The following SPOCK1 variants were observed in gnomAD, a reference collection of about 807,000 sequenced individuals.
SPOCK1 encodes testican-1.
SPOCK1 carries 23 observed loss-of-function variants against 55.3 expected under a neutral mutation model. The ratio of observed to expected loss-of-function variants is 0.42; its 90% confidence interval spans 0.30 to 0.59. The LOEUF is 0.59. SPOCK1 is among the 20% of genes least tolerant of loss of function. The probability of loss-of-function intolerance (pLI) is 0.22; values close to 1 mark genes in which losing one functional copy is unlikely to be tolerated. For missense variants in SPOCK1, 499 were observed against 552.5 expected (o/e 0.90, Z 0.97); for synonymous variants, 226 against 221.0 (o/e 1.02, Z -0.20).
intron 5 of SPOCK1, among the ~76,000 whole-genome samples, chr5:137,086,943 T>C (rs1752971716): frequency 6.6e-6 from 1 of 152,060 alleles, no homozygotes; most frequent in Non-Finnish European, 1.5e-5. Context: ...CTCACAGAAG[T>C]CACAGGATTT....
intron 2 of SPOCK1, among the ~76,000 whole-genome samples, chr5:137,429,968 T>C (rs1204486188): frequency 1.3e-5 from 2 of 152,244 alleles, no homozygotes; most frequent in East Asian, 3.8e-4. Flanking sequence ...TAGGACACCT[T>C]GTGAAGTGTG....
chr5:137,097,259 G>A (rs1753168586), intron 5 of SPOCK1, among the ~76,000 whole-genome samples: 1 of 152,058 alleles, frequency 6.6e-6, no homozygotes, highest in Admixed American at 6.5e-5. Flanking sequence ...ATTAGGGAGG[G>A]GGACTTGCCC....
At chr5:137,402,424 C>T (rs1229724) in intron 2 of SPOCK1, among the ~76,000 whole-genome samples, 88,850 of 152,166 alleles carry the variant, frequency 0.58, 27,491 homozygotes, top group African/African-American at 0.81. Flanking sequence ...AATGTCATTT[C>T]TTATTGACAA....
At chr5:137,150,994 C>T (rs927886565) in intron 3 of SPOCK1, among the ~76,000 whole-genome samples, 32 of 152,172 alleles carry the variant, frequency 2.1e-4, no homozygotes, top group African/African-American at 7.2e-4. Context: ...TCTAGCACAG[C>T]CTGGCCACTT....
chr5:137,135,570 C>CA, intron 4 of SPOCK1, among the ~76,000 whole-genome samples: 1 of 152,216 alleles, frequency 6.6e-6, no homozygotes, highest in Non-Finnish European at 1.5e-5. Context: ...CATCTAAGAC[C>CA]AGAGTGTGAC....
At chr5:137,465,067 G>A (rs1202055097) in intron 2 of SPOCK1, among the ~76,000 whole-genome samples, 1 of 152,142 alleles carries the variant, frequency 6.6e-6, no homozygotes, top group Non-Finnish European at 1.5e-5. Context: ...GGAAGGGAGT[G>A]CCAGATAACA....
At chr5:137,393,662 G>C (rs1168828643) in intron 2 of SPOCK1, among the ~76,000 whole-genome samples, 1 of 152,230 alleles carries the variant, frequency 6.6e-6, no homozygotes, top group East Asian at 1.9e-4. Context: ...ATGTTCATAG[G>C]AGGTGACACA....
intron 3 of SPOCK1, among the ~76,000 whole-genome samples, chr5:137,234,136 G>A (rs534725551): frequency 6.6e-6 from 1 of 152,278 alleles, no homozygotes; most frequent in East Asian, 1.9e-4. Flanking sequence ...GAGCTCACAG[G>A]GATAAAGAGG....
chr5:137,496,320 T>C (rs1919517), intron 2 of SPOCK1, among the ~76,000 whole-genome samples: 58,859 of 152,018 alleles, frequency 0.39, 11,454 homozygotes, highest in East Asian at 0.46. Context: ...CCATCCATAA[T>C]AAAGATGGGA....
chr5:137,218,988 C>T (rs17778861), intron 3 of SPOCK1, among the ~76,000 whole-genome samples: 60,498 of 152,012 alleles, frequency 0.4, 13,157 homozygotes, highest in Non-Finnish European at 0.48. Context: ...CAAGGCACTC[C>T]TTTGTTGTAA....
chr5:137,061,106 T>C (rs1416294970), intron 6 of SPOCK1, among the ~76,000 whole-genome samples: 1 of 152,256 alleles, frequency 6.6e-6, no homozygotes, highest in Admixed American at 6.5e-5. Flanking sequence ...AAGGTTAGTA[T>C]AAACTGCTTT....
chr5:137,103,683 A>T (rs965168), intron 5 of SPOCK1, among the ~76,000 whole-genome samples: 1 of 152,046 alleles, frequency 6.6e-6, no homozygotes, highest in Admixed American at 6.5e-5. Flanking sequence ...GGTTTTTGTT[A>T]TAGCAGCTAC....
At chr5:137,220,076 C>T (rs2127087043) in intron 3 of SPOCK1, among the ~76,000 whole-genome samples, 1 of 152,250 alleles carries the variant, frequency 6.6e-6, no homozygotes, top group Non-Finnish European at 1.5e-5. Context: ...TAGTGGGGGT[C>T]AGTTGCATCT....
At chr5:137,464,494 C>A (rs1357136664) in intron 2 of SPOCK1, among the ~76,000 whole-genome samples, 1 of 139,742 alleles carries the variant, frequency 7.2e-6, no homozygotes, top group Non-Finnish European at 1.5e-5. Context: ...GATAGTGTGG[C>A]AAGAAATGGT....
intron 2 of SPOCK1, among the ~76,000 whole-genome samples, chr5:137,303,739 T>G (rs561733172): frequency 1.9e-3 from 283 of 152,252 alleles, no homozygotes; most frequent in Middle Eastern, 0.01. Flanking sequence ...AGGAGTGGGC[T>G]CCTGAAGCAG....
intron 2 of SPOCK1, among the ~76,000 whole-genome samples, chr5:137,345,738 G>A (rs1302226002): frequency 6.6e-6 from 1 of 152,230 alleles, no homozygotes; most frequent in Non-Finnish European, 1.5e-5. Flanking sequence ...TGCAGGTTGA[G>A]TATTTTACAC....
At chr5:136,999,325 T>A (rs1156239965) in intron 6 of SPOCK1, among the ~76,000 whole-genome samples, 2 of 152,028 alleles carry the variant, frequency 1.3e-5, no homozygotes, top group African/African-American at 4.8e-5. Flanking sequence ...GAAAGAAGGG[T>A]TGCTTCTTAC....
chr5:137,356,838 T>TAGAGAGAGAGAGAGAGAGAGAG (rs1177060339), intron 2 of SPOCK1, among the ~76,000 whole-genome samples: 4 of 5,456 alleles, frequency 7.3e-4, no homozygotes, highest in Non-Finnish European at 9.3e-4. Context: ...TATATATATA[T>TAGAGAGAGAGAGAGAGAGAGAG]AGAGAGAGAG....
Position 137,498,575 on chromosome 5 carries a change from G to C in SPOCK1, c.1-17C>G, listed in dbSNP as rs916477009. On this transcript the variant is annotated splice_polypyrimidine_tract_variant and intron_variant, in intron 1 of 10. Coordinates refer to ENST00000394945, the MANE Select transcript of SPOCK1 (RefSeq NM_004598.4). ...CGCCGGCATCTGCGGGGCAGGGCGC[G>C]CAGGGCGATGAGCGAAGAGGGCGGG... 4.1e-6 allele frequency: 6 copies of C among 1,452,498 alleles called. No homozygotes were observed. In the African/African-American group the frequency reaches 7.4e-5, roughly 18 times the overall value. The allele number at this position is 1,452,498 out of a possible 1,614,324, so 90.0% of individuals were successfully genotyped here.
Sources: allele counts gnomAD v4.1 joint callset (sites outside exome capture counted in the v4.1 genomes callset), GRCh38; gene constraint gnomAD v4.1.1; transcripts MANE v1.5; gene names NCBI Gene and HGNC (gene_info 2026-07-23, HGNC 2026-07-21).